The following ARHGAP12 variants were observed in gnomAD, a reference collection of about 807,000 sequenced individuals.
The protein encoded by ARHGAP12 is Rho GTPase activating protein 12.
Under a neutral mutation model 108.6 loss-of-function variants are expected in ARHGAP12, and 64 were observed. That is an observed-to-expected ratio of 0.59 (90% CI 0.48 to 0.73). The LOEUF (loss-of-function observed/expected upper bound fraction) is 0.73, where lower values mean the gene tolerates loss of function less well. ARHGAP12 is among the 30% of genes least tolerant of loss of function. The pLI, the probability that ARHGAP12 is intolerant of heterozygous loss-of-function variation, is 0.00. For synonymous variants in ARHGAP12, 312 were observed against 337.2 expected (o/e 0.93, Z 0.82); for missense variants, 940 against 1,005.9 (o/e 0.93, Z 0.89).
In ARHGAP12 at chr10:31,861,585, T is replaced by G; in HGVS notation, c.758A>C (p.Gln253Pro). The change falls in exon 4 of 20, where the codon CAG (glutamine) becomes CCG (proline). Residue 253 changes from glutamine to proline, a missense_variant. Gln to Pro is a moderately conservative substitution (Grantham distance 76). Transcript: ENST00000344936. ...CCCAGGAAGTGGGGGAAGAGCAGAC[T>G]GGGATATTTTCAGTTCTTGAAGGTT... ...YANLQELKIS[Q>P]SALPPLPGSP... 1 of 1,614,154 alleles carries G rather than the reference T, an allele frequency of 6.2e-7. No individual in the cohort carries two copies. Among genetic ancestry groups the G allele is most frequent in the Non-Finnish European group, 8.5e-7 (1 of 1,180,028 alleles).
At chr10:31,864,583 A>G (rs541458696) in intron 3 of ARHGAP12, among the ~76,000 whole-genome samples, 3 of 152,364 alleles carry the variant, frequency 2.0e-5, no homozygotes, top group Non-Finnish European at 4.4e-5. Context: ...GAATGAATAA[A>G]CAAACTAATG....
At chr10:31,816,167 A>ACG (rs1835194125) in intron 13 of ARHGAP12, among the ~76,000 whole-genome samples, 1 of 59,702 alleles carries the variant, frequency 1.7e-5, no homozygotes, top group Non-Finnish European at 3.5e-5. Flanking sequence ...AAAGAAAGAA[A>ACG]CGTGTGTGTG....
chr10:31,908,481 T>A lies in ARHGAP12; in HGVS notation c.375A>T (p.Gly125=). 6.2e-7 allele frequency: 1 copy of A among 1,614,256 alleles called. No individual in the cohort carries two copies. Among genetic ancestry groups the A allele is most frequent in the Non-Finnish European group, 8.5e-7 (1 of 1,180,052 alleles). The change falls in exon 3 of 20, where the codon GGA becomes GGT. Residue 125 remains glycine, a synonymous_variant. Transcript: ENST00000344936. ...GATTGGCATCACGAATAAGACCTGT[T>A]CCTTGAACAGATGACGATGGCTTTC... ...SFGKPSSSVQ[G]TGLIRDANQN... is the part of the protein sequence containing the mutation.
intron 3 of ARHGAP12, among the ~76,000 whole-genome samples, chr10:31,888,531 A>G (rs1337611196): frequency 6.6e-6 from 1 of 152,210 alleles, no homozygotes; most frequent in Non-Finnish European, 1.5e-5. Flanking sequence ...AAAATCAGAG[A>G]TGAGAGATTG....
chr10:31,899,705 C>G (rs554924565), intron 3 of ARHGAP12, among the ~76,000 whole-genome samples: 1 of 152,198 alleles, frequency 6.6e-6, no homozygotes, highest in African/African-American at 2.4e-5. Context: ...GACCTTACAC[C>G]TTTCACAAAA....
intron 1 of ARHGAP12, among the ~76,000 whole-genome samples, chr10:31,919,842 G>A (rs1182712847): frequency 2.0e-5 from 3 of 151,362 alleles, no homozygotes; most frequent in Non-Finnish European, 4.4e-5. Context: ...ATATTGGCCA[G>A]GCACGGTGGC....
chr10:31,897,263 C>T (rs1404819607), intron 3 of ARHGAP12, among the ~76,000 whole-genome samples: 1 of 152,128 alleles, frequency 6.6e-6, no homozygotes. Context: ...CCTTATCTGA[C>T]CTGAGGAAAG....
intron 3 of ARHGAP12, among the ~76,000 whole-genome samples, chr10:31,894,231 T>C (rs1359488551): frequency 1.3e-5 from 2 of 152,148 alleles, no homozygotes; most frequent in African/African-American, 2.4e-5. Flanking sequence ...CAACATAGTG[T>C]TGGAAGTTCT....
In ARHGAP12 at chr10:31,861,561, C is replaced by T; in HGVS notation, c.782G>A (p.Gly261Glu). 2 of 1,614,084 alleles carry T rather than the reference C, an allele frequency of 1.2e-6. No individual in the cohort carries two copies. The highest frequency in any genetic ancestry group is 1.7e-6 in the Non-Finnish European group (2 of 1,180,004). ...ISQSALPPLP[G>E]SPAIQINGEW... ...TCCATTAATCTGAATTGCCGGGCTC[C>T]CAGGAAGTGGGGGAAGAGCAGACTG... The change falls in exon 4 of 20, where the codon GGG becomes GAG. Residue 261 changes from glycine to glutamate, a missense_variant. Physicochemically the swap from Gly to Glu is moderately conservative, Grantham distance 98 (BLOSUM62 -2). Transcript: ENST00000344936.
In ARHGAP12 at chr10:31,852,498, C is replaced by A. The variant is rs758596727; in HGVS notation, c.1170+19G>T. 2.6e-6 allele frequency: 4 copies of A among 1,552,986 alleles called. No individual in the cohort carries two copies. The Admixed American group carries it at 6.7e-5, about 26-fold the overall frequency. On this transcript the variant is annotated intron_variant, in intron 6 of 19. Transcript: ENST00000344936. ...CATCTACTATTTTTAAATAGAAATT[C>A]GGTGTCAAGGTTTATTACCTTTGGC...
chr10:31,813,374 A>G (rs1835088353), intron 14 of ARHGAP12, among the ~76,000 whole-genome samples: 1 of 152,150 alleles, frequency 6.6e-6, no homozygotes, highest in African/African-American at 2.4e-5. Context: ...ATGGGACTAC[A>G]TGGAAAATGT....
At chr10:31,838,742 A>G (rs1210351079) in intron 9 of ARHGAP12, among the ~76,000 whole-genome samples, 1 of 151,696 alleles carries the variant, frequency 6.6e-6, no homozygotes, top group Non-Finnish European at 1.5e-5. Context: ...GAGACAGAAG[A>G]ATCACTTGAA....
At chr10:31,867,762 C>A (rs1450209149) in intron 3 of ARHGAP12, among the ~76,000 whole-genome samples, 1 of 152,082 alleles carries the variant, frequency 6.6e-6, no homozygotes, top group Admixed American at 6.5e-5. Flanking sequence ...CAAAGATGTT[C>A]ATTCCAGTGT....
At chr10:31,914,766 T>A (rs565459619) in intron 1 of ARHGAP12, among the ~76,000 whole-genome samples, 2 of 152,244 alleles carry the variant, frequency 1.3e-5, no homozygotes, top group African/African-American at 4.8e-5. Flanking sequence ...AACTACTATA[T>A]GATCCACCAA....
At chr10:31,886,295 G>C (rs540619083) in intron 3 of ARHGAP12, among the ~76,000 whole-genome samples, 34 of 152,068 alleles carry the variant, frequency 2.2e-4, no homozygotes, top group Middle Eastern at 3.4e-3. Context: ...GACTCTATCA[G>C]GATTATGCCA....
intron 3 of ARHGAP12, among the ~76,000 whole-genome samples, chr10:31,882,417 G>A (rs979041985): frequency 5.3e-5 from 8 of 152,114 alleles, no homozygotes; most frequent in African/African-American, 1.9e-4. Flanking sequence ...AAAAAATCAT[G>A]ACTGAAAAAG....
chr10:31,907,350 A>G (rs1376861615), intron 3 of ARHGAP12, among the ~76,000 whole-genome samples: 1 of 152,040 alleles, frequency 6.6e-6, no homozygotes, highest in African/African-American at 2.4e-5. Flanking sequence ...AAAAAAAGCC[A>G]GGTACAGTGG....
intron 1 of ARHGAP12, among the ~76,000 whole-genome samples, chr10:31,915,223 C>A (rs1839505136): frequency 6.6e-6 from 1 of 152,026 alleles, no homozygotes; most frequent in Admixed American, 6.6e-5. Context: ...TCCGTCTCTA[C>A]TAAAAATACA....
intron 3 of ARHGAP12, among the ~76,000 whole-genome samples, chr10:31,875,951 T>C (rs1465766609): frequency 6.6e-6 from 1 of 152,260 alleles, no homozygotes; most frequent in Non-Finnish European, 1.5e-5. Flanking sequence ...TTGTGACTTA[T>C]TTCACTTAGC....
Sources: gnomAD v4.1 joint callset for allele counts (sites outside exome capture counted in the v4.1 genomes callset) on GRCh38, gnomAD v4.1.1 for gene constraint, MANE v1.5 for transcripts, NCBI Gene and HGNC (gene_info 2026-07-23, HGNC 2026-07-21) for gene names.